ROBO2: variants seen among roughly 807,000 people sequenced by gnomAD.
ROBO2 encodes the protein roundabout guidance receptor 2, also known as roundabout homolog 2.
Under a neutral mutation model 160.8 loss-of-function variants are expected in ROBO2, and 53 were observed. That is an observed-to-expected ratio of 0.33 (90% CI 0.26 to 0.41). The LOEUF is 0.41. ROBO2 is among the 10% of genes least tolerant of loss of function. The pLI is 1.00. For synonymous variants in ROBO2, 664 were observed against 611.7 expected, an observed-to-expected ratio of 1.09 and a Z score of -1.26; for missense variants, 1,577 against 1,722.4, an observed-to-expected ratio of 0.92 and a Z score of 1.49.
intron 2 of ROBO2, among the ~76,000 whole-genome samples, chr3:76,504,150 A>G (rs1434221286): frequency 1.3e-5 from 2 of 152,218 alleles, no homozygotes; most frequent in African/African-American, 4.8e-5. Flanking sequence ...AAATACGCAT[A>G]ACAAAAACTT....
chr3:77,577,961 G>A (rs941642979), intron 15 of ROBO2, among the ~76,000 whole-genome samples: 1 of 152,024 alleles, frequency 6.6e-6, no homozygotes, highest in Non-Finnish European at 1.5e-5. Context: ...TGCATAAGAG[G>A]CTTTAAGGCA....
intron 2 of ROBO2, among the ~76,000 whole-genome samples, chr3:76,616,123 C>T (rs1000980533): frequency 4.6e-5 from 7 of 152,212 alleles, no homozygotes; most frequent in African/African-American, 1.7e-4. Context: ...GTAACTATAG[C>T]TCAATGCCTT....
intron 2 of ROBO2, among the ~76,000 whole-genome samples, chr3:77,245,466 A>T (rs2151402735): frequency 6.6e-6 from 1 of 152,330 alleles, no homozygotes; most frequent in Admixed American, 6.5e-5. Flanking sequence ...GCTCATTCTC[A>T]TGATAGATTC....
chr3:76,092,974 G>T (rs770993443), intron 2 of ROBO2, among the ~76,000 whole-genome samples: 3 of 152,016 alleles, frequency 2.0e-5, no homozygotes, highest in Non-Finnish European at 4.4e-5. Context: ...ACTTATGAAG[G>T]TATTTTACAT....
At chr3:76,008,983 G>A (rs1321077370) in intron 2 of ROBO2, among the ~76,000 whole-genome samples, 3 of 152,078 alleles carry the variant, frequency 2.0e-5, no homozygotes, top group Non-Finnish European at 4.4e-5. Context: ...ATACGCTGGG[G>A]GAACTTAGCA....
chr3:76,133,923 G>C (rs946467549), intron 2 of ROBO2, among the ~76,000 whole-genome samples: 1 of 151,970 alleles, frequency 6.6e-6, no homozygotes, highest in Non-Finnish European at 1.5e-5. Context: ...GCACTACTTT[G>C]CATCCTTCAG....
At chr3:76,397,605 A>G (rs2077538899) in intron 2 of ROBO2, among the ~76,000 whole-genome samples, 1 of 151,880 alleles carries the variant, frequency 6.6e-6, no homozygotes, top group Admixed American at 6.6e-5. Context: ...CAGAATCTAC[A>G]ATGAACTCAA....
intron 2 of ROBO2, among the ~76,000 whole-genome samples, chr3:76,611,176 C>G (rs1029407274): frequency 3.9e-5 from 6 of 152,026 alleles, no homozygotes; most frequent in Admixed American, 6.6e-5. Flanking sequence ...TCCCTTGGAT[C>G]GTGCACTCCA....
chr3:75,986,844 A>G (rs903489081), intron 2 of ROBO2, among the ~76,000 whole-genome samples: 1 of 151,392 alleles, frequency 6.6e-6, no homozygotes, highest in East Asian at 1.9e-4. Context: ...CCCACATTCA[A>G]TGGTCTTGGA....
intron 21 of ROBO2, among the ~76,000 whole-genome samples, chr3:77,611,073 C>T (rs534600406): frequency 9.2e-5 from 14 of 151,824 alleles, no homozygotes; most frequent in Admixed American, 2.0e-4. Context: ...CCAAGGTGGG[C>T]GGATCACGAG....
intron 1 of ROBO2, among the ~76,000 whole-genome samples, chr3:77,049,009 T>C (rs1014617558): frequency 1.3e-5 from 2 of 152,150 alleles, no homozygotes; most frequent in African/African-American, 4.8e-5. Context: ...ACATTTATTG[T>C]TATATCTGAG....
chr3:76,798,892 AAACAACAAC>A (rs60526472), intron 2 of ROBO2, among the ~76,000 whole-genome samples: 1 of 150,018 alleles, frequency 6.7e-6, no homozygotes, highest in African/African-American at 2.5e-5. Context: ...GACCTTTTCT[AAACAACAAC>A]AACAACAACA....
chr3:75,942,666 T>G (rs1316289444), intron 2 of ROBO2, among the ~76,000 whole-genome samples: 2 of 152,158 alleles, frequency 1.3e-5, no homozygotes, highest in African/African-American at 4.8e-5. Context: ...AACAGCTTTT[T>G]CCTACAAAAG....
intron 2 of ROBO2, among the ~76,000 whole-genome samples, chr3:76,868,780 A>G (rs1012615294): frequency 7.1e-6 from 1 of 141,532 alleles, no homozygotes; most frequent in African/African-American, 2.6e-5. Flanking sequence ...GTTAATAGGA[A>G]CTCAAAAAAA....
In ROBO2 at chr3:77,216,557, A is replaced by G. The variant is rs138120873; in HGVS notation, c.388+118217A>G. Among the ~76,000 whole-genome samples the G allele has an allele frequency of 8.7e-3, 1,325 of 152,222 alleles. 7 individuals carry two copies. Among genetic ancestry groups the G allele is most frequent in the Non-Finnish European group, 0.014 (953 of 68,004 alleles). ...GCGATGCCTCGCCCTGCTTCAGCTC[A>G]TGCTCAGTGCACTGCACTCACTGTC... On this transcript the variant is annotated intron_variant, in intron 2 of 25. Coordinates refer to ENST00000461745, the Ensembl canonical transcript of ROBO2.
intron 2 of ROBO2, among the ~76,000 whole-genome samples, chr3:77,237,249 T>C (rs2088158640): frequency 1.4e-5 from 2 of 144,996 alleles, no homozygotes; most frequent in East Asian, 2.0e-4. Context: ...TCTTCCAGGG[T>C]GGATGGCAGT....
intron 2 of ROBO2, among the ~76,000 whole-genome samples, chr3:76,320,127 T>C (rs1404915896): frequency 2.0e-5 from 3 of 152,160 alleles, no homozygotes; most frequent in African/African-American, 7.2e-5. Context: ...CATTTTGTAA[T>C]GAAATTCTTT....
At chr3:77,640,723 ATAAAT>A (rs2095339355) in intron 24 of ROBO2, among the ~76,000 whole-genome samples, 1 of 152,232 alleles carries the variant, frequency 6.6e-6, no homozygotes, top group Non-Finnish European at 1.5e-5. Context: ...GAAATGAATA[ATAAAT>A]TTAATTTAAG....
intron 2 of ROBO2, among the ~76,000 whole-genome samples, chr3:76,645,330 CAG>C (rs1160493261): frequency 6.6e-6 from 1 of 152,088 alleles, no homozygotes; most frequent in Non-Finnish European, 1.5e-5. Flanking sequence ...GAATTGGAAA[CAG>C]AAATAAAAAT....
Sources: gnomAD v4.1 joint callset for allele counts (sites outside exome capture counted in the v4.1 genomes callset) on GRCh38, gnomAD v4.1.1 for gene constraint, MANE v1.5 for transcripts, NCBI Gene and HGNC (gene_info 2026-07-23, HGNC 2026-07-21) for gene names.